NAALADL2: variants seen among roughly 807,000 people sequenced by gnomAD.
NAALADL2 encodes inactive N-acetylated-alpha-linked acidic dipeptidase-like protein 2.
Under a neutral mutation model 87.2 loss-of-function variants are expected in NAALADL2, and 76 were observed. The observed-to-expected ratio is 0.87, with a 90% confidence interval of 0.72 to 1.05. The LOEUF is 1.05. NAALADL2 is among the 50% of genes least tolerant of loss of function. The pLI, the probability that NAALADL2 is intolerant of heterozygous loss-of-function variation, is 0.00. For synonymous variants in NAALADL2, 354 were observed against 331.0 expected (o/e 1.07, Z -0.75); for missense variants, 1,089 against 945.8 (o/e 1.15, Z -1.99).
At chr3:175,793,438 T>C (rs1252197234) in intron 13 of NAALADL2, among the ~76,000 whole-genome samples, 2 of 151,214 alleles carry the variant, frequency 1.3e-5, no homozygotes, top group Non-Finnish European at 2.9e-5. Context: ...CCCTCCCGAG[T>C]AGCTGGGACT....
chr3:174,910,400 T>A (rs1425737356), intron 1 of NAALADL2, among the ~76,000 whole-genome samples: 2 of 152,060 alleles, frequency 1.3e-5, no homozygotes, highest in East Asian at 1.9e-4. Context: ...TAATAAAAAA[T>A]TTTCCAGTTT....
At chr3:174,491,428 G>A (rs921092478) in intron 1 of NAALADL2, among the ~76,000 whole-genome samples, 2 of 151,992 alleles carry the variant, frequency 1.3e-5, no homozygotes, top group Admixed American at 6.6e-5. Flanking sequence ...TAAACAAATC[G>A]TGTTTAATAC....
intron 11 of NAALADL2, among the ~76,000 whole-genome samples, chr3:175,667,620 T>C (rs1046888981): frequency 6.6e-6 from 1 of 152,172 alleles, no homozygotes; most frequent in Non-Finnish European, 1.5e-5. Flanking sequence ...TTGTATCAGA[T>C]TTAACAACCA....
intron 1 of NAALADL2, among the ~76,000 whole-genome samples, chr3:175,065,257 A>G (rs1474339747): frequency 1.3e-5 from 2 of 152,132 alleles, no homozygotes; most frequent in Admixed American, 6.6e-5. Flanking sequence ...TAGTGCTTCT[A>G]TTGTCGTCGG....
At chr3:174,804,628 T>G (rs1719241043) in intron 3 of NAALADL2, among the ~76,000 whole-genome samples, 1 of 152,128 alleles carries the variant, frequency 6.6e-6, no homozygotes, top group Non-Finnish European at 1.5e-5. Flanking sequence ...CTTACTATTT[T>G]GAGATATGTT....
chr3:175,338,462 T>C (rs924154840), intron 5 of NAALADL2, among the ~76,000 whole-genome samples: 1 of 151,812 alleles, frequency 6.6e-6, no homozygotes. Context: ...AACTTTGCCA[T>C]TGGTTCTGCG....
At chr3:175,680,809 T>C (rs886133676) in intron 11 of NAALADL2, among the ~76,000 whole-genome samples, 11 of 152,180 alleles carry the variant, frequency 7.2e-5, no homozygotes, top group Admixed American at 6.5e-5. Context: ...TATCAGTGAA[T>C]GTTCAGTTAA....
chr3:174,827,439 C>A (rs372110153), intron 3 of NAALADL2, among the ~76,000 whole-genome samples: 1 of 152,076 alleles, frequency 6.6e-6, no homozygotes, highest in African/African-American at 2.4e-5. Flanking sequence ...GTGGCCTCTC[C>A]CTCCATCTTC....
intron 1 of NAALADL2, among the ~76,000 whole-genome samples, chr3:174,456,411 C>CAAAAAAAAAAAA (rs59833697): frequency 1.8e-5 from 1 of 56,374 alleles, no homozygotes; most frequent in Non-Finnish European, 3.3e-5. Context: ...CAATCCTAAG[C>CAAAAAAAAAAAA]AAAAAAAAAA....
At chr3:174,748,528 C>T (rs1379183893) in intron 3 of NAALADL2, among the ~76,000 whole-genome samples, 1 of 152,030 alleles carries the variant, frequency 6.6e-6, no homozygotes, top group Non-Finnish European at 1.5e-5. Flanking sequence ...GGAATAAATT[C>T]ATGTTGTTTT....
intron 1 of NAALADL2, among the ~76,000 whole-genome samples, chr3:175,074,392 T>A (rs1334089447): frequency 1.3e-5 from 2 of 152,122 alleles, no homozygotes; most frequent in Non-Finnish European, 2.9e-5. Flanking sequence ...TTTTAATAGC[T>A]GGTAAATATA....
At chr3:174,987,366 G>T (rs919945361) in intron 1 of NAALADL2, among the ~76,000 whole-genome samples, 1 of 150,796 alleles carries the variant, frequency 6.6e-6, no homozygotes, top group African/African-American at 2.4e-5. Context: ...TCAGGAGATC[G>T]AGACCATCCC....
At chr3:175,004,376 CAAAAAAAAAAAAA>C (rs538715061) in intron 1 of NAALADL2, among the ~76,000 whole-genome samples, 2,565 of 34,048 alleles carry the variant, frequency 0.075, 93 homozygotes, top group African/African-American at 0.14. Context: ...GAGACTATTT[CAAAAAAAAAAAAA>C]AAAAAAAAAA....
chr3:175,356,391 T>C (rs1381247238), intron 5 of NAALADL2, among the ~76,000 whole-genome samples: 3 of 151,834 alleles, frequency 2.0e-5, no homozygotes, highest in Admixed American at 6.6e-5. Context: ...AAGACCAACA[T>C]AGTGAGACCT....
chr3:174,762,891 C>T (rs184646280), intron 3 of NAALADL2, among the ~76,000 whole-genome samples: 6 of 152,196 alleles, frequency 3.9e-5, no homozygotes, highest in Admixed American at 3.3e-4. Context: ...ACAAAGATAT[C>T]TTCTTAATAA....
chr3:175,568,047 T>A (rs1018667497), intron 9 of NAALADL2, among the ~76,000 whole-genome samples: 13 of 151,998 alleles, frequency 8.6e-5, no homozygotes, highest in Non-Finnish European at 1.9e-4. Flanking sequence ...TAAGATGAAA[T>A]CTGGTTTTCT....
At chr3:175,731,451 T>A (rs1443536486) in intron 11 of NAALADL2, among the ~76,000 whole-genome samples, 1 of 152,178 alleles carries the variant, frequency 6.6e-6, no homozygotes, top group Non-Finnish European at 1.5e-5. Flanking sequence ...CCCATCTACC[T>A]GTCTCTTAGG....
At chr3:175,195,160 A>G (rs914525324) in intron 2 of NAALADL2, among the ~76,000 whole-genome samples, 2 of 151,730 alleles carry the variant, frequency 1.3e-5, no homozygotes, top group African/African-American at 4.8e-5. Context: ...TGAAAGTGCA[A>G]GAGACTCTAA....
Position 175,803,053 on chromosome 3 carries a change from T to G in NAALADL2, c.2238T>G (p.Leu746=). Residue 746 remains leucine, a synonymous_variant, in exon 14 of 14, where the codon CTT becomes CTG. Transcript: ENST00000454872. ...LDEKTSRFSI[L]IEAWEHCKPL... is the part of the protein sequence containing the mutation. Reference sequence around the variant, plus strand: ...AAAAGACAAGCCGGTTTTCAATACTTATAGAGGCTTGGGAACACTGCAAAC... The same window carrying G: ...AAAAGACAAGCCGGTTTTCAATACTGATAGAGGCTTGGGAACACTGCAAAC... 1 of 1,612,342 alleles carries G rather than the reference T, an allele frequency of 6.2e-7. No homozygotes were observed. The highest frequency in any genetic ancestry group is 8.5e-7 in the Non-Finnish European group (1 of 1,178,940).
Sources: gnomAD v4.1 joint callset for allele counts (sites outside exome capture counted in the v4.1 genomes callset) on GRCh38, gnomAD v4.1.1 for gene constraint, MANE v1.5 for transcripts, NCBI Gene and HGNC (gene_info 2026-07-23, HGNC 2026-07-21) for gene names.